Variants in PDZRN4 observed in about 807,000 individuals in gnomAD.
PDZRN4 encodes the protein PDZ domain containing ring finger 4, also known as PDZ domain-containing RING finger protein 4.
Under a neutral mutation model 99.0 loss-of-function variants are expected in PDZRN4, and 70 were observed. That is an observed-to-expected ratio of 0.71 (90% confidence interval 0.58 to 0.86). PDZRN4 has a LOEUF of 0.86. PDZRN4 is among the 40% of genes least tolerant of loss of function. The pLI is 0.00. For missense variants in PDZRN4, 1,474 were observed against 1,331.2 expected, an observed-to-expected ratio of 1.11 and a Z score of -1.67; for synonymous variants, 551 against 501.6, an observed-to-expected ratio of 1.10 and a Z score of -1.32.
chr12:41,419,194 G>A (rs1055182379), intron 3 of PDZRN4, among the ~76,000 whole-genome samples: 2 of 152,124 alleles, frequency 1.3e-5, no homozygotes, highest in Admixed American at 6.6e-5. Context: ...TTTTATGCCT[G>A]TTTAAAAAGT....
At position 41,456,626 on chromosome 12, in the gene PDZRN4, T is replaced by A. The variant is rs1261675072; in HGVS notation, c.844-49830T>A. 2.6e-5 allele frequency among the ~76,000 whole-genome samples: 4 copies of A among 152,044 alleles called. No homozygotes were observed. In the East Asian group the frequency reaches 7.7e-4, roughly 29 times the overall value. On this transcript the variant is annotated intron_variant, in intron 3 of 9. Coordinates refer to ENST00000402685, the MANE Select transcript of PDZRN4 (RefSeq NM_001164595.2). ...AATAAGTGTTGACTTAATGAATGAG[T>A]AAATGAATGAATGAAGACATACTGC...
At chr12:41,436,146 C>A (rs543412511) in intron 3 of PDZRN4, among the ~76,000 whole-genome samples, 2 of 152,152 alleles carry the variant, frequency 1.3e-5, no homozygotes, top group Admixed American at 1.3e-4. Flanking sequence ...TTCTAATTTG[C>A]TAGAAGTCCT....
At chr12:41,189,989 C>G (rs2120627300) in intron 1 of PDZRN4, among the ~76,000 whole-genome samples, 1 of 152,282 alleles carries the variant, frequency 6.6e-6, no homozygotes, top group East Asian at 1.9e-4. Flanking sequence ...TGTGAAGAGG[C>G]TTGTTTATAA....
Position 41,555,727 on chromosome 12 carries a change from C to T in PDZRN4, c.1332C>T (p.Asp444=), listed in dbSNP as rs746718521. ...EVDPNSIAAK[D]GRIREGDRIL... ...ACCCAAATAGCATTGCTGCCAAAGA[C>T]GGCCGGATTCGAGAAGGGGATCGGA... is the stretch of plus-strand genomic sequence containing the variant. Residue 444 remains aspartate (D), a synonymous_variant, in exon 7 of 10, where the codon GAC becomes GAT. Coordinates refer to ENST00000402685, the MANE Select transcript of PDZRN4 (RefSeq NM_001164595.2). The T allele has an allele frequency of 1.1e-5, 18 of 1,613,854 alleles. No individual in the cohort carries two copies. The highest frequency in any genetic ancestry group is 2.2e-5 in the East Asian group (1 of 44,868).
intron 3 of PDZRN4, among the ~76,000 whole-genome samples, chr12:41,470,068 T>C (rs1325507123): frequency 6.6e-6 from 1 of 152,226 alleles, no homozygotes; most frequent in Non-Finnish European, 1.5e-5. Flanking sequence ...TAGGAGTGTA[T>C]GGCATTCATT....
intron 3 of PDZRN4, chr12:41,437,630 AC>A: frequency 1.9e-6 from 1 of 524,872 alleles, no homozygotes; most frequent in African/African-American, 1.9e-5. Context: ...TCAATGAGGC[AC>A]TATTAATATT....
chr12:41,337,465 C>T (rs1225008592), intron 3 of PDZRN4, among the ~76,000 whole-genome samples: 1 of 151,832 alleles, frequency 6.6e-6, no homozygotes, highest in African/African-American at 2.4e-5. Context: ...CAACCAGATG[C>T]GAAGAGGATG....
intron 3 of PDZRN4, among the ~76,000 whole-genome samples, chr12:41,294,027 G>A (rs1437933579): frequency 6.6e-6 from 1 of 152,146 alleles, no homozygotes; most frequent in East Asian, 1.9e-4. Flanking sequence ...GCATAAATAG[G>A]CTCAGAGTTT....
chr12:41,325,489 A>G (rs1021138819), intron 3 of PDZRN4, among the ~76,000 whole-genome samples: 1 of 152,268 alleles, frequency 6.6e-6, no homozygotes, highest in African/African-American at 2.4e-5. Context: ...AGGAAATAAG[A>G]TAAGACGGGT....
At chr12:41,520,436 G>A (rs1462728563) in intron 5 of PDZRN4, among the ~76,000 whole-genome samples, 2 of 152,010 alleles carry the variant, frequency 1.3e-5, no homozygotes, top group African/African-American at 4.8e-5. Context: ...ACACTTGCAG[G>A]CTAGCAAAGC....
chr12:41,224,569 A>G (rs1177795314), intron 3 of PDZRN4, among the ~76,000 whole-genome samples: 1 of 152,200 alleles, frequency 6.6e-6, no homozygotes, highest in African/African-American at 2.4e-5. Flanking sequence ...CAAAGTAAAG[A>G]GAAAATCAAG....
intron 3 of PDZRN4, among the ~76,000 whole-genome samples, chr12:41,466,735 C>T (rs1204401783): frequency 6.9e-6 from 1 of 144,758 alleles, no homozygotes; most frequent in Non-Finnish European, 1.5e-5. Flanking sequence ...TTTCACAAAT[C>T]CTTTATATTT....
chr12:41,459,841 T>TG lies in PDZRN4; in HGVS notation c.844-46612dup, dbSNP rs970236831. ...CTGCATCATGTACATTCAGGGGTAT[T>TG]GGGAAAAAATACCCATTAAATTAAC... On this transcript the variant is annotated intron_variant, in intron 3 of 9. Coordinates refer to ENST00000402685, the MANE Select transcript of PDZRN4 (RefSeq NM_001164595.2). 11 of 796,372 alleles carry TG rather than the reference T, an allele frequency of 1.4e-5. No individual in the cohort carries two copies. In the African/African-American group the frequency reaches 2.0e-4, roughly 15 times the overall value. The allele number at this position is 796,372 out of a possible 1,614,324, so 49.3% of individuals were successfully genotyped here. A position where few individuals can be genotyped will look rare whatever the true frequency, so the allele number is the denominator to read the frequency against.
chr12:41,209,567 A>C (rs979770378), intron 3 of PDZRN4, among the ~76,000 whole-genome samples: 20 of 147,416 alleles, frequency 1.4e-4, no homozygotes, highest in Non-Finnish European at 2.8e-4. Flanking sequence ...TCATTGTTCA[A>C]TTCCCACCTA....
chr12:41,237,793 T>C (rs1951076972), intron 3 of PDZRN4, among the ~76,000 whole-genome samples: 1 of 152,154 alleles, frequency 6.6e-6, no homozygotes, highest in African/African-American at 2.4e-5. Context: ...CGTGGTCTTA[T>C]TTCTGAGATC....
chr12:41,338,587 C>T (rs892882045), intron 3 of PDZRN4, among the ~76,000 whole-genome samples: 2 of 150,652 alleles, frequency 1.3e-5, no homozygotes, highest in East Asian at 3.9e-4. Flanking sequence ...AAGAGAAGAC[C>T]CAAATAAATA....
intron 3 of PDZRN4, among the ~76,000 whole-genome samples, chr12:41,428,286 C>A (rs956101825): frequency 6.6e-6 from 1 of 152,126 alleles, no homozygotes; most frequent in Non-Finnish European, 1.5e-5. Flanking sequence ...TATTATACCA[C>A]CCTGTGTTAA....
intron 3 of PDZRN4, among the ~76,000 whole-genome samples, chr12:41,368,550 A>G (rs2121074370): frequency 6.6e-6 from 1 of 152,046 alleles, no homozygotes; most frequent in African/African-American, 2.4e-5. Flanking sequence ...GTCAGCCATT[A>G]TTTTCCAAAT....
chr12:41,547,317 A>C (rs1229449304), intron 5 of PDZRN4, among the ~76,000 whole-genome samples: 1 of 152,174 alleles, frequency 6.6e-6, no homozygotes, highest in Admixed American at 6.5e-5. Flanking sequence ...TCACAGCAGA[A>C]GTAATGACAC....
Sources: gnomAD v4.1 joint callset for allele counts (sites outside exome capture counted in the v4.1 genomes callset) on GRCh38, gnomAD v4.1.1 for gene constraint, MANE v1.5 for transcripts, NCBI Gene and HGNC (gene_info 2026-07-23, HGNC 2026-07-21) for gene names.